ANKS3: variants seen among roughly 807,000 people sequenced by gnomAD.
The protein encoded by ANKS3 is ankyrin repeat and sterile alpha motif domain containing 3.
Under a neutral mutation model 80.7 loss-of-function variants are expected in ANKS3, and 62 were observed. The observed-to-expected ratio is 0.77, with a 90% CI of 0.63 to 0.95. ANKS3 has a LOEUF of 0.95. Among genes scored for constraint, ANKS3 ranks in the 40% least tolerant of loss-of-function variants. ANKS3 has a pLI of 0.00. For synonymous variants in ANKS3, 489 were observed against 355.3 expected, an observed-to-expected ratio of 1.38 and a Z score of -4.23; for missense variants, 1,150 against 883.6, an observed-to-expected ratio of 1.30 and a Z score of -3.82.
chr16:4,716,576 T>G (rs2080809593), intron 6 of ANKS3, among the ~76,000 whole-genome samples: 1 of 152,074 alleles, frequency 6.6e-6, no homozygotes, highest in Non-Finnish European at 1.5e-5. Context: ...CCCCCCATCC[T>G]ACTTTTGACT....
At chr16:4,731,706 C>G (rs2081625995) in intron 1 of ANKS3, 127 bp from the exon 2 acceptor site, 3 of 356,120 alleles carry the variant, frequency 8.4e-6, no homozygotes, top group Non-Finnish European at 1.2e-5. Context: ...CAGGATGTGA[C>G]TGGTGGCACG....
At position 4,701,120 on chromosome 16, in the gene ANKS3, G is replaced by A; in HGVS notation, c.1134C>T (p.Ala378=). The change falls in exon 11 of 18, where the codon GCC becomes GCT. Residue 378 remains alanine (A), a synonymous_variant. Coordinates refer to ENST00000304283, the MANE Select transcript of ANKS3 (RefSeq NM_133450.4). ...SVESNEDSDH[A]CKSSARKQAK... Reference sequence around the variant, plus strand: ...CTTGTTTGCGAGCTGAGCTTTTACAGGCATGATCCGAGTCCTGCAGTGAGA... The same window carrying A: ...CTTGTTTGCGAGCTGAGCTTTTACAAGCATGATCCGAGTCCTGCAGTGAGA... The A allele has an allele frequency of 6.2e-7, 1 of 1,613,984 alleles. No individual in the cohort carries two copies.
At chr16:4,718,514 C>A (rs1216754339) in intron 6 of ANKS3, among the ~76,000 whole-genome samples, 3 of 152,206 alleles carry the variant, frequency 2.0e-5, no homozygotes, top group African/African-American at 7.2e-5. Context: ...CCTCCCCTAG[C>A]AAAGAGCACA....
In ANKS3 at chr16:4,722,963, T is replaced by C. The variant is rs189116672; in HGVS notation, c.573+1787A>G. 8.8e-4 allele frequency among the ~76,000 whole-genome samples: 133 copies of C among 151,168 alleles called. 1 individual carries two copies. Among genetic ancestry groups the C allele is most frequent in the African/African-American group, 3.1e-3 (128 of 41,190 alleles). ...AAAAAAAGAAAAAAATTTCAACTAC[T>C]CTAACAAGGACAAACTAAAATGAGA... On this transcript the variant is annotated intron_variant, in intron 6 of 17. Coordinates refer to ENST00000304283, the MANE Select transcript of ANKS3 (RefSeq NM_133450.4).
chr16:4,711,513 G>GT (rs1332425584), intron 7 of ANKS3, among the ~76,000 whole-genome samples: 1 of 151,368 alleles, frequency 6.6e-6, no homozygotes, highest in Non-Finnish European at 1.5e-5. Flanking sequence ...GAGGTCGGGA[G>GT]TTTGAGACCA....
chr16:4,710,208 T>G (rs2080410446), intron 7 of ANKS3, among the ~76,000 whole-genome samples: 1 of 151,922 alleles, frequency 6.6e-6, no homozygotes, highest in Admixed American at 6.6e-5. Context: ...CACAGTAGAG[T>G]GACTATACGG....
intron 10 of ANKS3, 43 bp downstream of exon 10, chr16:4,701,391 C>A: frequency 6.5e-7 from 1 of 1,528,874 alleles, no homozygotes; most frequent in Non-Finnish European, 8.8e-7. Context: ...GGCATCCCAG[C>A]CAGGGACCGG....
At chr16:4,698,679 G>A in intron 13 of ANKS3, 80 bp from the exon 14 acceptor site, 3 of 1,526,300 alleles carry the variant, frequency 2.0e-6, no homozygotes, top group Non-Finnish European at 2.6e-6. Context: ...TGTCCTGTGT[G>A]TGGGGCCCTC....
chr16:4,706,640 T>C (rs975973117), intron 7 of ANKS3, among the ~76,000 whole-genome samples: 1 of 152,232 alleles, frequency 6.6e-6, no homozygotes, highest in African/African-American at 2.4e-5. Flanking sequence ...AGAGCTTTTA[T>C]TATTTTGTAG....
chr16:4,703,877 A>G (rs75544296), intron 8 of ANKS3, among the ~76,000 whole-genome samples: 1 of 43,278 alleles, frequency 2.3e-5, no homozygotes, highest in Non-Finnish European at 6.1e-5. Flanking sequence ...GGCTTCAGAC[A>G]TGTATGATTT....
Position 4,697,420 on chromosome 16 carries a change from TGGTGCA to T in ANKS3, c.1811-10_1811-5del, listed in dbSNP as rs1409129662. On this transcript the variant is annotated splice_polypyrimidine_tract_variant and splice_region_variant and intron_variant, in intron 15 of 17. Transcript: ENST00000304283. ...GACGCTTGCCAGCCCTTGGAGTCTG[TGGTGCA>T]GGTGCAGGGACCGAGTTAGCTGGGG... The T allele has an allele frequency of 1.3e-6, 2 of 1,597,410 alleles. No homozygotes were observed. Among genetic ancestry groups the T allele is most frequent in the African/African-American group, 1.3e-5 (1 of 74,498 alleles).
intron 6 of ANKS3, 134 bp from the exon 7 acceptor site, chr16:4,714,320 C>T: frequency 7.6e-7 from 1 of 1,317,444 alleles, no homozygotes; most frequent in Non-Finnish European, 1.0e-6. Context: ...ATCACATCTG[C>T]ATGAGAAAGA....
chr16:4,719,305 A>G (rs565622687), intron 6 of ANKS3, among the ~76,000 whole-genome samples: 2 of 152,326 alleles, frequency 1.3e-5, no homozygotes, highest in Non-Finnish European at 2.9e-5. Context: ...GTGCTCCAGC[A>G]TGGGCAAACA....
At chr16:4,701,202 C>T in intron 10 of ANKS3, 68 bp from the exon 11 acceptor site, 3 of 1,597,972 alleles carry the variant, frequency 1.9e-6, no homozygotes, top group Non-Finnish European at 2.6e-6. Context: ...AAACCCCCAC[C>T]CGCCACACAG....
Position 4,702,247 on chromosome 16 carries a change from G to T in ANKS3, c.869-5C>A, listed in dbSNP as rs772432689. The T allele has an allele frequency of 6.5e-7, 1 of 1,546,458 alleles. No homozygotes were observed. Among genetic ancestry groups the T allele is most frequent in the Non-Finnish European group, 8.7e-7 (1 of 1,148,022 alleles). The stretch of plus-strand genomic sequence containing the variant: ...AGCCACGGGGAGGAGCCTGCTCTGT[G>T]TACAGAATGGGGCCCATAAGCCCAG... On this transcript the variant is annotated splice_region_variant and splice_polypyrimidine_tract_variant and intron_variant, in intron 8 of 17. Coordinates refer to ENST00000304283, the MANE Select transcript of ANKS3 (RefSeq NM_133450.4).
chr16:4,733,572 G>C (rs749061626), intron 1 of ANKS3, among the ~76,000 whole-genome samples: 5 of 152,040 alleles, frequency 3.3e-5, no homozygotes, highest in Non-Finnish European at 7.4e-5. Flanking sequence ...GATTACAGGC[G>C]TGAGTGAGCC....
intron 3 of ANKS3, 55 bp from the exon 4 acceptor site, chr16:4,727,232 A>T: frequency 6.3e-7 from 1 of 1,584,150 alleles, no homozygotes; most frequent in Non-Finnish European, 8.6e-7. Flanking sequence ...TGTGGGGTTC[A>T]CCAAAGCTGG....
At chr16:4,730,190 G>A in intron 2 of ANKS3, 39 bp from the exon 3 acceptor site, 1 of 1,446,386 alleles carries the variant, frequency 6.9e-7, no homozygotes, top group Non-Finnish European at 9.2e-7. Flanking sequence ...TTTCCTGGCT[G>A]GTTGTTCCAG....
chr16:4,726,829 G>A (rs2081377978), intron 4 of ANKS3, 49 bp from the exon 5 acceptor site: 1 of 1,601,846 alleles, frequency 6.2e-7, no homozygotes. Context: ...CCTCTGCGTG[G>A]GGCGGGCGCC....
Sources: allele counts gnomAD v4.1 joint callset (sites outside exome capture counted in the v4.1 genomes callset), GRCh38; gene constraint gnomAD v4.1.1; transcripts MANE v1.5; gene names NCBI Gene and HGNC (gene_info 2026-07-23, HGNC 2026-07-21).